The following EML6 variants were observed in gnomAD, a reference collection of about 807,000 sequenced individuals.
EML6 encodes the protein EMAP like 6.
EML6 carries 154 observed loss-of-function variants against 240.1 expected under a neutral mutation model. The observed-to-expected ratio is 0.64, with a 90% CI of 0.56 to 0.73. EML6 has a LOEUF of 0.73. EML6 is among the 30% of genes least tolerant of loss of function. The pLI, the probability that EML6 is intolerant of heterozygous loss-of-function variation, is 0.00. For missense variants in EML6, 2,964 were observed against 2,474.6 expected (o/e 1.20, Z -4.20); for synonymous variants, 1,148 against 899.0 (o/e 1.28, Z -4.95).
rs144312511 is a variant in EML6, at chr2:54,812,817, T to A, written c.198-415T>A. On this transcript the variant is annotated intron_variant, in intron 2 of 41. Transcript: ENST00000356458. ...GTATCTAGTGCTTCTGCAAGTATGT[T>A]TAATTCCAAGAAGAGAACCTTCCCC... is the stretch of plus-strand genomic sequence containing the variant. Among the ~76,000 whole-genome samples, 933 of 152,252 alleles carry A rather than the reference T, an allele frequency of 6.1e-3. 6 individuals carry two copies. The highest frequency in any genetic ancestry group is 0.02 in the African/African-American group (818 of 41,552).
intron 32 of EML6, among the ~76,000 whole-genome samples, chr2:54,955,234 G>A (rs951560191): frequency 6.6e-6 from 1 of 152,166 alleles, no homozygotes; most frequent in Admixed American, 6.5e-5. Context: ...GATGTCAAGT[G>A]GCCAACTGAT....
chr2:54,824,715 C>T (rs927407346), intron 5 of EML6, among the ~76,000 whole-genome samples: 7 of 152,070 alleles, frequency 4.6e-5, no homozygotes, highest in South Asian at 2.1e-4. Context: ...ATGAGCCTAC[C>T]GGGTTTGTGG....
At chr2:54,828,939 C>T (rs2033824) in intron 6 of EML6, among the ~76,000 whole-genome samples, 113,210 of 152,152 alleles carry the variant, frequency 0.74, 42,602 homozygotes, top group East Asian at 0.99. Flanking sequence ...TGAAACTGTT[C>T]ATGTTCCTAG....
chr2:54,856,490 A>C (rs992897389), intron 11 of EML6, among the ~76,000 whole-genome samples: 1 of 152,246 alleles, frequency 6.6e-6, no homozygotes, highest in African/African-American at 2.4e-5. Flanking sequence ...CACATGGCCT[A>C]TGGACAGCTT....
intron 2 of EML6, among the ~76,000 whole-genome samples, chr2:54,783,577 T>A (rs1668946953): frequency 1.3e-5 from 2 of 152,326 alleles, no homozygotes; most frequent in South Asian, 4.1e-4. Context: ...GGATATCTGG[T>A]GTGGCAAGGA....
At chr2:54,809,391 A>C (rs552710828) in intron 2 of EML6, among the ~76,000 whole-genome samples, 1 of 152,316 alleles carries the variant, frequency 6.6e-6, no homozygotes, top group East Asian at 1.9e-4. Context: ...GGGAGGACAC[A>C]ATAGTTGGCC....
Position 54,759,381 on chromosome 2 carries a change from A to T in EML6, c.197+34123A>T, listed in dbSNP as rs547844858. On this transcript the variant is annotated intron_variant, in intron 2 of 41. Transcript: ENST00000356458. ...TAACCTTGGTTTTCTGGAGTATTTT[A>T]TGGTAATACTAGAAAGAATAGTGGT... Among the ~76,000 whole-genome samples the T allele has an allele frequency of 4.1e-4, 63 of 151,912 alleles. 1 individual carries two copies. Among genetic ancestry groups the T allele is most frequent in the African/African-American group, 1.5e-3 (62 of 41,410 alleles).
At chr2:54,827,017 AC>A (rs1199279826) in intron 5 of EML6, among the ~76,000 whole-genome samples, 1 of 152,104 alleles carries the variant, frequency 6.6e-6, no homozygotes, top group African/African-American at 2.4e-5. Context: ...TACTACAAAT[AC>A]AAAAATTAGC....
intron 2 of EML6, among the ~76,000 whole-genome samples, chr2:54,798,413 T>A (rs1669936288): frequency 6.6e-6 from 1 of 152,180 alleles, no homozygotes; most frequent in Non-Finnish European, 1.5e-5. Flanking sequence ...GACCTTGTGA[T>A]CTGCCGGCCT....
intron 2 of EML6, among the ~76,000 whole-genome samples, chr2:54,785,160 C>A (rs1015554901): frequency 1.4e-5 from 2 of 146,232 alleles, no homozygotes; most frequent in African/African-American, 2.6e-5. Flanking sequence ...TCCACCCCCC[C>A]ACACACACAC....
chr2:54,736,661 G>A (rs1387850990), intron 2 of EML6, among the ~76,000 whole-genome samples: 1 of 152,282 alleles, frequency 6.6e-6, no homozygotes, highest in Non-Finnish European at 1.5e-5. Context: ...GAGCCACATC[G>A]TGCTTAACCT....
chr2:54,729,926 G>A (rs1421018300), intron 2 of EML6, among the ~76,000 whole-genome samples: 3 of 152,156 alleles, frequency 2.0e-5, no homozygotes, highest in Non-Finnish European at 4.4e-5. Flanking sequence ...ACTTGAGCTT[G>A]GGGGTTCAGG....
chr2:54,800,834 C>T (rs1670097810), intron 2 of EML6, among the ~76,000 whole-genome samples: 1 of 152,056 alleles, frequency 6.6e-6, no homozygotes, highest in African/African-American at 2.4e-5. Flanking sequence ...CATGTAGGAT[C>T]CTCAACTCCA....
chr2:54,771,576 G>A (rs11899655), intron 2 of EML6, among the ~76,000 whole-genome samples: 7,708 of 152,266 alleles, frequency 0.051, 393 homozygotes, highest in East Asian at 0.3. Flanking sequence ...TGCTGCTAAC[G>A]CCATTTTCAG....
At chr2:54,920,120 G>A (rs913443643) in intron 26 of EML6, among the ~76,000 whole-genome samples, 5 of 151,796 alleles carry the variant, frequency 3.3e-5, no homozygotes, top group African/African-American at 4.8e-5. Context: ...CAGAAAACTA[G>A]GAAAAGAAGA....
chr2:54,795,520 A>C (rs1176153030), intron 2 of EML6, among the ~76,000 whole-genome samples: 1 of 152,078 alleles, frequency 6.6e-6, no homozygotes, highest in Non-Finnish European at 1.5e-5. Context: ...GGGGAGGAAA[A>C]GGGAAGAGGG....
intron 2 of EML6, among the ~76,000 whole-genome samples, chr2:54,803,015 C>T (rs1008681576): frequency 1.3e-5 from 2 of 152,086 alleles, no homozygotes; most frequent in African/African-American, 2.4e-5. Context: ...GAAACAGGTC[C>T]CCTCTTTCCT....
intron 12 of EML6, among the ~76,000 whole-genome samples, chr2:54,861,898 A>G (rs936842346): frequency 3.3e-5 from 5 of 152,080 alleles, no homozygotes; most frequent in Non-Finnish European, 7.4e-5. Context: ...GAGATATGTG[A>G]TTTACCCAAC....
At chr2:54,757,508 T>C (rs1667788283) in intron 2 of EML6, among the ~76,000 whole-genome samples, 1 of 128,272 alleles carries the variant, frequency 7.8e-6, no homozygotes, top group Non-Finnish European at 1.8e-5. Context: ...TGGTGGCAAG[T>C]GTTCCAGGAG....
Sources: gnomAD v4.1 joint callset for allele counts (sites outside exome capture counted in the v4.1 genomes callset) on GRCh38, gnomAD v4.1.1 for gene constraint, MANE v1.5 for transcripts, NCBI Gene and HGNC (gene_info 2026-07-23, HGNC 2026-07-21) for gene names.